Variants in C12orf42 observed in about 807,000 individuals in gnomAD.
The protein encoded by C12orf42 is chromosome 12 open reading frame 42, also known as uncharacterized protein C12orf42.
In C12orf42, 25 loss-of-function variants were observed where a neutral mutation model predicts 21.6. The observed-to-expected ratio is 1.16, with a 90% CI of 0.84 to 1.62. The LOEUF (loss-of-function observed/expected upper bound fraction) is 1.62. Among genes scored for constraint, C12orf42 ranks in the 40% most tolerant of loss-of-function variants. The pLI is 0.00. For synonymous variants in C12orf42, 174 were observed against 175.0 expected, an observed-to-expected ratio of 0.99 and a Z score of 0.05; for missense variants, 483 against 459.3, an observed-to-expected ratio of 1.05 and a Z score of -0.47.
At chr12:103,313,916 TGG>T (rs1487027482) in intron 4 of C12orf42, among the ~76,000 whole-genome samples, 1 of 152,206 alleles carries the variant, frequency 6.6e-6, no homozygotes, top group Non-Finnish European at 1.5e-5. Flanking sequence ...TATGCCCTCA[TGG>T]GGCTTGCAAT....
the C12orf42 span, among the ~76,000 whole-genome samples, chr12:103,230,027 G>A: frequency 2.6e-5 from 4 of 152,126 alleles, no homozygotes; most frequent in Admixed American, 1.3e-4. Context: ...TATATTACTG[G>A]TCTATGCTGC....
At chr12:103,080,395 C>T in the C12orf42 span, among the ~76,000 whole-genome samples, 8 of 152,146 alleles carry the variant, frequency 5.3e-5, no homozygotes, top group Admixed American at 1.3e-4. Flanking sequence ...TTCAACTAAA[C>T]CATTGTATTT....
chr12:103,276,146 T>C (rs1156785731), intron 5 of C12orf42, among the ~76,000 whole-genome samples: 1 of 152,118 alleles, frequency 6.6e-6, no homozygotes, highest in African/African-American at 2.4e-5. Flanking sequence ...TTAGTAGACA[T>C]ATAGGGGGAA....
At chr12:103,486,307 A>G (rs568203037) in intron 1 of C12orf42, among the ~76,000 whole-genome samples, 10 of 152,314 alleles carry the variant, frequency 6.6e-5, no homozygotes, top group African/African-American at 2.4e-4. Context: ...CCAGCCTTGC[A>G]TCCCAGTGAT....
At chr12:103,280,848 G>A (rs1213437679) in intron 4 of C12orf42, among the ~76,000 whole-genome samples, 1 of 152,194 alleles carries the variant, frequency 6.6e-6, no homozygotes, top group Non-Finnish European at 1.5e-5. Context: ...ACCAAGGGAA[G>A]AGAAAGTGAC....
chr12:103,112,553 C>T, the C12orf42 span, among the ~76,000 whole-genome samples: 105 of 152,110 alleles, frequency 6.9e-4, no homozygotes, highest in African/African-American at 1.4e-3. Context: ...CCCAGCTACT[C>T]GGGAGGCTGA....
chr12:103,440,355 A>G (rs1196845135), intron 2 of C12orf42, among the ~76,000 whole-genome samples: 1 of 143,850 alleles, frequency 7.0e-6, no homozygotes, highest in Non-Finnish European at 1.5e-5. Flanking sequence ...ACATGTATAC[A>G]TATGTAACTA....
the C12orf42 span, among the ~76,000 whole-genome samples, chr12:103,223,527 T>C: frequency 6.6e-6 from 1 of 152,212 alleles, no homozygotes; most frequent in African/African-American, 2.4e-5. Context: ...ATTATTTATT[T>C]ACTTCAAGAG....
the C12orf42 span, among the ~76,000 whole-genome samples, chr12:103,146,659 C>G: frequency 1.9e-4 from 29 of 151,802 alleles, no homozygotes; most frequent in African/African-American, 6.8e-4. Context: ...GGAGGCAAAA[C>G]CAATGTCACA....
the C12orf42 span, among the ~76,000 whole-genome samples, chr12:103,230,302 A>AT: frequency 4.1e-4 from 61 of 147,778 alleles, no homozygotes; most frequent in Middle Eastern, 3.5e-3. Flanking sequence ...TGTTGGAAGA[A>AT]TTTTTTTTTT....
At chr12:103,558,921 C>A in the C12orf42 span, 1 of 152,112 alleles carries the variant, frequency 6.6e-6, no homozygotes, top group African/African-American at 2.4e-5. Flanking sequence ...GGATGGCATC[C>A]CCAAGGAAGT....
chr12:103,420,767 C>A (rs544168675), intron 2 of C12orf42, among the ~76,000 whole-genome samples: 71 of 152,294 alleles, frequency 4.7e-4, no homozygotes, highest in African/African-American at 1.6e-3. Context: ...GATCTGCCCG[C>A]CTCGGCCTCC....
chr12:103,509,256 T>C, the C12orf42 span, among the ~76,000 whole-genome samples: 4 of 152,196 alleles, frequency 2.6e-5, no homozygotes, highest in Non-Finnish European at 4.4e-5. Flanking sequence ...TGATGCAATA[T>C]TTGTTACTGA....
At chr12:103,335,273 T>C (rs1002893419) in intron 4 of C12orf42, among the ~76,000 whole-genome samples, 9 of 152,318 alleles carry the variant, frequency 5.9e-5, no homozygotes, top group Non-Finnish European at 1.0e-4. Flanking sequence ...GAGCCTGTGC[T>C]CAAGCAGGAT....
At chr12:103,285,322 T>C (rs772373363) in intron 4 of C12orf42, among the ~76,000 whole-genome samples, 4 of 152,246 alleles carry the variant, frequency 2.6e-5, no homozygotes, top group Admixed American at 6.5e-5. Context: ...GCAATTCATA[T>C]ATCACTATTA....
chr12:103,178,493 G>A, the C12orf42 span: 1 of 152,094 alleles, frequency 6.6e-6, no homozygotes, highest in African/African-American at 2.4e-5. Context: ...AGGACCCGTC[G>A]GAGAGCAAGC....
chr12:103,380,304 C>T (rs2138180053), intron 3 of C12orf42, among the ~76,000 whole-genome samples: 1 of 152,232 alleles, frequency 6.6e-6, no homozygotes, highest in East Asian at 1.9e-4. Context: ...AAAGGAGACT[C>T]AAAGTTACCT....
chr12:103,331,278 T>C (rs1315609526), intron 4 of C12orf42, among the ~76,000 whole-genome samples: 2 of 152,202 alleles, frequency 1.3e-5, no homozygotes, highest in South Asian at 4.1e-4. Context: ...ATTTACTGAA[T>C]ATTGTATATT....
intron 2 of C12orf42, chr12:103,431,097 A>AT (rs1389822372): frequency 1.1e-4 from 5 of 47,488 alleles, no homozygotes; most frequent in South Asian, 5.5e-4. Context: ...ACAAAGTATA[A>AT]TAAAAAAAAT....
Sources: gnomAD v4.1 joint callset for allele counts (sites outside exome capture counted in the v4.1 genomes callset) on GRCh38, gnomAD v4.1.1 for gene constraint, MANE v1.5 for transcripts, NCBI Gene and HGNC (gene_info 2026-07-23, HGNC 2026-07-21) for gene names.